The following COL19A1 variants were observed in gnomAD, a reference collection of about 807,000 sequenced individuals.
COL19A1 encodes collagen type XIX alpha 1 chain, also known as collagen alpha-1(XIX) chain.
A neutral mutation model predicts 190.2 loss-of-function variants in COL19A1; 159 were observed. That is an observed-to-expected ratio of 0.84 (90% confidence interval 0.73 to 0.95). COL19A1 has a LOEUF of 0.95. Among genes scored for constraint, COL19A1 ranks in the 40% least tolerant of loss-of-function variants. COL19A1 has a pLI of 0.00. For missense variants in COL19A1, 1,418 were observed against 1,431.9 expected (o/e 0.99, Z 0.16); for synonymous variants, 509 against 458.9 (o/e 1.11, Z -1.39).
rs1170387933 is a variant in COL19A1, at chr6:70,210,478, T to C, written c.*3204T>C. The stretch of plus-strand genomic sequence containing the variant: ...AGTTTATTTCCCTATTTCATGGTAT[T>C]GTTTAAACTTTAAAATTTTAGTCAC... On this transcript the variant is annotated 3_prime_UTR_variant, in exon 51 of 51. Coordinates refer to ENST00000620364, the MANE Select transcript of COL19A1 (RefSeq NM_001858.6). Among the ~76,000 whole-genome samples, 2 of 152,186 alleles carry C rather than the reference T, an allele frequency of 1.3e-5. No homozygotes were observed. The highest frequency in any genetic ancestry group is 1.3e-4 in the Admixed American group (2 of 15,274).
At chr6:69,882,268 A>G (rs1241150042) in intron 2 of COL19A1, among the ~76,000 whole-genome samples, 5 of 152,194 alleles carry the variant, frequency 3.3e-5, no homozygotes, top group African/African-American at 1.2e-4. Flanking sequence ...TTTTGAAGGT[A>G]TTAGGAATTC....
chr6:70,129,266 C>T (rs554089286), intron 17 of COL19A1, among the ~76,000 whole-genome samples: 1 of 152,220 alleles, frequency 6.6e-6, no homozygotes, highest in East Asian at 1.9e-4. Flanking sequence ...ACTATATGCT[C>T]TTTGTGTGTT....
intron 11 of COL19A1, among the ~76,000 whole-genome samples, chr6:69,968,884 T>C (rs377490303): frequency 6.6e-6 from 1 of 152,178 alleles, no homozygotes; most frequent in Admixed American, 6.5e-5. Context: ...TCTTAGTTTC[T>C]GGAGTACCAC....
At chr6:69,961,743 T>C (rs1256895387) in intron 10 of COL19A1, among the ~76,000 whole-genome samples, 2 of 152,018 alleles carry the variant, frequency 1.3e-5, no homozygotes, top group African/African-American at 4.8e-5. Context: ...CATCTAATTA[T>C]ATTATCTAAT....
intron 14 of COL19A1, among the ~76,000 whole-genome samples, chr6:70,062,473 G>A (rs1355202002): frequency 6.6e-6 from 1 of 152,094 alleles, no homozygotes; most frequent in African/African-American, 2.4e-5. Context: ...AAGAGCTCCT[G>A]AAGGAAGCAC....
intron 4 of COL19A1, among the ~76,000 whole-genome samples, chr6:69,921,708 G>A (rs1177698963): frequency 3.6e-5 from 5 of 140,374 alleles, no homozygotes; most frequent in East Asian, 2.0e-4. Context: ...GTATATATTC[G>A]TATGTAGATT....
intron 4 of COL19A1, among the ~76,000 whole-genome samples, chr6:69,922,866 C>T (rs1772082796): frequency 6.6e-6 from 1 of 152,106 alleles, no homozygotes; most frequent in African/African-American, 2.4e-5. Context: ...ATCACTCACT[C>T]ATTCAACAGA....
intron 16 of COL19A1, among the ~76,000 whole-genome samples, chr6:70,104,706 A>G (rs984490376): frequency 2.0e-5 from 3 of 152,234 alleles, no homozygotes; most frequent in African/African-American, 7.2e-5. Context: ...TTCATGCTTT[A>G]AAGAAGAAAA....
chr6:69,986,220 T>TA (rs1200574543), intron 11 of COL19A1, among the ~76,000 whole-genome samples: 2 of 55,722 alleles, frequency 3.6e-5, no homozygotes, highest in Non-Finnish European at 6.2e-5. Flanking sequence ...ACTTACACGT[T>TA]TTATATATAT....
At chr6:69,881,009 T>C (rs1561958447) in intron 2 of COL19A1, among the ~76,000 whole-genome samples, 1 of 152,242 alleles carries the variant, frequency 6.6e-6, no homozygotes, top group Non-Finnish European at 1.5e-5. Context: ...TAGTGGGTAG[T>C]AAATGTTCTT....
In COL19A1 at chr6:70,005,025, G is replaced by T. The variant is rs551989016; in HGVS notation, c.1027-18602G>T. ...TATTTTGTATTTTTAGTAGTGATGGGGTTTCACTGTGTTAGCCAGGATGGT... is the reference window on the plus strand; with the variant it reads ...TATTTTGTATTTTTAGTAGTGATGGTGTTTCACTGTGTTAGCCAGGATGGT... On this transcript the variant is annotated intron_variant, in intron 11 of 50. Coordinates refer to ENST00000620364, the MANE Select transcript of COL19A1 (RefSeq NM_001858.6). Among the ~76,000 whole-genome samples, 20 of 152,048 alleles carry T rather than the reference G, an allele frequency of 1.3e-4. No individual in the cohort carries two copies. The South Asian group carries it at 4.2e-3, about 32-fold the overall frequency.
chr6:69,940,401 A>G (rs1203255144), intron 9 of COL19A1, among the ~76,000 whole-genome samples: 2 of 152,172 alleles, frequency 1.3e-5, no homozygotes, highest in Admixed American at 1.3e-4. Context: ...CCGAGTTTAC[A>G]ATCTTGTGAC....
At chr6:69,925,883 T>A (rs1307631065) in intron 4 of COL19A1, among the ~76,000 whole-genome samples, 2 of 152,210 alleles carry the variant, frequency 1.3e-5, no homozygotes, top group Non-Finnish European at 2.9e-5. Flanking sequence ...TTTGGCTCTC[T>A]GTTTGTTTGT....
At chr6:69,907,762 G>A (rs1770657185) in intron 4 of COL19A1, among the ~76,000 whole-genome samples, 1 of 152,176 alleles carries the variant, frequency 6.6e-6, no homozygotes, top group Admixed American at 6.5e-5. Context: ...GTGAATAAGA[G>A]GTAGCATTCG....
intron 11 of COL19A1, among the ~76,000 whole-genome samples, chr6:69,979,184 C>T (rs1775898243): frequency 6.6e-6 from 1 of 151,864 alleles, no homozygotes; most frequent in Non-Finnish European, 1.5e-5. Context: ...AGGAAAGATC[C>T]ACAGCCTCCA....
Position 70,045,194 on chromosome 6 carries a change from C to A in COL19A1, c.1170+9255C>A, listed in dbSNP as rs976759501. 1.8e-4 allele frequency among the ~76,000 whole-genome samples: 27 copies of A among 151,446 alleles called. No homozygotes were observed. In the East Asian group the frequency reaches 4.1e-3, roughly 23 times the overall value. ...CAGGCATGGTGGTGCATGCCTGTAACCCTAGCTACTTGGGAGGCTGAGGCA... is the reference window on the plus strand; with the variant it reads ...CAGGCATGGTGGTGCATGCCTGTAAACCTAGCTACTTGGGAGGCTGAGGCA... On this transcript the variant is annotated intron_variant, in intron 14 of 50. Transcript: ENST00000620364.
At chr6:69,926,623 A>G (rs6938320) in intron 4 of COL19A1, among the ~76,000 whole-genome samples, 18,449 of 152,094 alleles carry the variant, frequency 0.12, 1,405 homozygotes, top group East Asian at 0.2. Flanking sequence ...AGAAAAATGA[A>G]CAGTTCCAAG....
chr6:69,991,360 G>A (rs1213423809), intron 11 of COL19A1, among the ~76,000 whole-genome samples: 4 of 152,040 alleles, frequency 2.6e-5, no homozygotes, highest in Admixed American at 6.6e-5. Flanking sequence ...ATATATGCAT[G>A]CATGTGTCTT....
intron 19 of COL19A1, among the ~76,000 whole-genome samples, chr6:70,140,554 A>G (rs1235761741): frequency 6.6e-6 from 1 of 152,080 alleles, no homozygotes; most frequent in Non-Finnish European, 1.5e-5. Flanking sequence ...AACTGGAAGA[A>G]TTCAAGTGAA....
Sources: gnomAD v4.1 joint callset for allele counts (sites outside exome capture counted in the v4.1 genomes callset) on GRCh38, gnomAD v4.1.1 for gene constraint, MANE v1.5 for transcripts, NCBI Gene and HGNC (gene_info 2026-07-23, HGNC 2026-07-21) for gene names.